TEAD1: variants seen among roughly 807,000 people sequenced by gnomAD.
TEAD1 encodes TEA domain transcription factor 1.
TEAD1 carries 9 observed loss-of-function variants against 54.9 expected under a neutral mutation model. The ratio of observed to expected loss-of-function variants is 0.16; its 90% CI spans 0.10 to 0.29. The LOEUF is 0.29. Ranked by LOEUF, TEAD1 falls within the 10% of genes least tolerant of loss-of-function variation. TEAD1 has a pLI of 1.00. For synonymous variants in TEAD1, 200 were observed against 187.8 expected, an observed-to-expected ratio of 1.07 and a Z score of -0.53; for missense variants, 387 against 535.9, an observed-to-expected ratio of 0.72 and a Z score of 2.74.
chr11:12,683,612 G>A (rs563894208), intron 2 of TEAD1, among the ~76,000 whole-genome samples: 1 of 152,104 alleles, frequency 6.6e-6, no homozygotes, highest in Non-Finnish European at 1.5e-5. Flanking sequence ...TGCCATTTTG[G>A]GGGGTGAGTT....
intron 3 of TEAD1, among the ~76,000 whole-genome samples, chr11:12,769,875 C>G (rs753873528): frequency 6.6e-6 from 1 of 152,038 alleles, no homozygotes; most frequent in Non-Finnish European, 1.5e-5. Context: ...GTAATGTTTG[C>G]TGAATAAATG....
intron 2 of TEAD1, among the ~76,000 whole-genome samples, chr11:12,751,869 C>A (rs564192485): frequency 1.3e-5 from 2 of 152,170 alleles, no homozygotes; most frequent in South Asian, 4.2e-4. Flanking sequence ...TCTGAGCACT[C>A]TCTGAGGGGC....
intron 2 of TEAD1, among the ~76,000 whole-genome samples, chr11:12,691,206 C>T (rs771197734): frequency 2.0e-5 from 3 of 152,186 alleles, no homozygotes; most frequent in African/African-American, 4.8e-5. Context: ...TGCAGTTCCT[C>T]CTCTTACTGA....
At chr11:12,727,532 T>A (rs981838127) in intron 2 of TEAD1, among the ~76,000 whole-genome samples, 1 of 152,176 alleles carries the variant, frequency 6.6e-6, no homozygotes, top group Non-Finnish European at 1.5e-5. Context: ...AAGCATTTTT[T>A]AAAAATATTA....
chr11:12,880,213 C>T (rs1021938884), intron 6 of TEAD1, among the ~76,000 whole-genome samples: 1 of 152,118 alleles, frequency 6.6e-6, no homozygotes, highest in South Asian at 2.1e-4. Flanking sequence ...GGTCTCTGTC[C>T]CTCTGTCTTC....
intron 10 of TEAD1, among the ~76,000 whole-genome samples, chr11:12,922,192 CTTTTTT>C (rs756723520): frequency 1.1e-5 from 1 of 94,516 alleles, no homozygotes; most frequent in Admixed American, 1.2e-4. Context: ...ACATGGTTCT[CTTTTTT>C]TTTTTTTTTT....
At chr11:12,748,940 ATGGCC>A (rs1376335786) in intron 2 of TEAD1, among the ~76,000 whole-genome samples, 18 of 152,166 alleles carry the variant, frequency 1.2e-4, no homozygotes, top group Admixed American at 1.0e-3. Flanking sequence ...ACCTAGGATA[ATGGCC>A]CTCCTTTTGG....
chr11:12,689,035 ATTTG>A (rs369626235), intron 2 of TEAD1, among the ~76,000 whole-genome samples: 161 of 138,042 alleles, frequency 1.2e-3, no homozygotes, highest in African/African-American at 4.0e-3. Context: ...GTTGTTGTTT[ATTTG>A]TTTGTTTTGT....
At position 12,800,454 on chromosome 11, in the gene TEAD1, C is replaced by T. The variant is rs532207315; in HGVS notation, c.202+36020C>T. On this transcript the variant is annotated intron_variant, in intron 3 of 12. Coordinates refer to ENST00000527636, the MANE Select transcript of TEAD1 (RefSeq NM_021961.6). ...AAGGCTTCTGCTCTTGGATAGTTCT[C>T]ATACCAGCTGGGGAGACTGACAGGA... Among the ~76,000 whole-genome samples, 10 of 152,328 alleles carry T rather than the reference C, an allele frequency of 6.6e-5. No individual in the cohort carries two copies. In the East Asian group the frequency reaches 1.9e-3, roughly 29 times the overall value.
chr11:12,710,675 C>T (rs781314956), intron 2 of TEAD1, among the ~76,000 whole-genome samples: 34 of 152,150 alleles, frequency 2.2e-4, no homozygotes, highest in Non-Finnish European at 4.6e-4. Flanking sequence ...GGCACTGGGA[C>T]AGCAGTGAAC....
In TEAD1 at chr11:12,879,134, C is replaced by T. The variant is rs117175436; in HGVS notation, c.331-574C>T. On this transcript the variant is annotated intron_variant, in intron 5 of 12. Coordinates refer to ENST00000527636, the MANE Select transcript of TEAD1 (RefSeq NM_021961.6). ...TGCACCCCGCCAGCATGCTGCTTGGCCCTGTTACCCCCAACCCCCGCTGCT... is the reference window on the plus strand; with the variant it reads ...TGCACCCCGCCAGCATGCTGCTTGGTCCTGTTACCCCCAACCCCCGCTGCT... Among the ~76,000 whole-genome samples, 595 of 152,264 alleles carry T rather than the reference C, an allele frequency of 3.9e-3. 1 individual carries two copies. Among genetic ancestry groups the T allele is most frequent in the Non-Finnish European group, 6.3e-3 (430 of 68,016 alleles).
chr11:12,904,269 T>C (rs35343196), intron 10 of TEAD1, among the ~76,000 whole-genome samples: 62,889 of 151,470 alleles, frequency 0.42, 14,007 homozygotes, highest in East Asian at 0.65. Flanking sequence ...CACATAAGTT[T>C]TATCACATCA....
intron 10 of TEAD1, among the ~76,000 whole-genome samples, chr11:12,922,295 C>T (rs1210270902): frequency 5.5e-5 from 3 of 55,012 alleles, no homozygotes; most frequent in South Asian, 9.2e-4. Flanking sequence ...CTCCCGGGTT[C>T]ACGCCATTCT....
chr11:12,748,701 G>T, intron 2 of TEAD1, among the ~76,000 whole-genome samples: 1 of 152,112 alleles, frequency 6.6e-6, no homozygotes, highest in East Asian at 1.9e-4. Context: ...ATATCATCTC[G>T]TATAACCAGG....
At chr11:12,881,180 G>A (rs1007957297) in intron 7 of TEAD1, 129 bp downstream of exon 7, 5 of 1,042,656 alleles carry the variant, frequency 4.8e-6, no homozygotes, top group African/African-American at 4.7e-5. Flanking sequence ...GTCCCAGAAG[G>A]CATCCCCTTT....
chr11:12,809,548 A>G lies in TEAD1; in HGVS notation c.202+45114A>G, dbSNP rs571065231. Among the ~76,000 whole-genome samples the G allele has an allele frequency of 9.2e-5, 14 of 152,114 alleles. 1 individual carries two copies. The highest frequency in any genetic ancestry group is 1.3e-4 in the Non-Finnish European group (9 of 67,974). ...TGTACACACCCCCAGATCAAAGACC[A>G]TGCTTCTTGGTCTAGCCATAGGAAC... On this transcript the variant is annotated intron_variant, in intron 3 of 12. Transcript: ENST00000527636.
At chr11:12,799,861 C>G (rs1157949605) in intron 3 of TEAD1, among the ~76,000 whole-genome samples, 3 of 152,042 alleles carry the variant, frequency 2.0e-5, no homozygotes, top group African/African-American at 7.3e-5. Context: ...AACTTATATC[C>G]CAAGCCTGTA....
intron 12 of TEAD1, 58 bp from the exon 13 acceptor site, chr11:12,937,051 A>G: frequency 1.7e-6 from 2 of 1,203,772 alleles, no homozygotes; most frequent in East Asian, 2.4e-5. Context: ...GTCGTCATAC[A>G]CAGATGGAAT....
chr11:12,783,482 G>T (rs1476144623), intron 3 of TEAD1, among the ~76,000 whole-genome samples: 2 of 152,168 alleles, frequency 1.3e-5, no homozygotes, highest in African/African-American at 2.4e-5. Flanking sequence ...GCATTTATTT[G>T]TGAACACCTC....
Sources: gnomAD v4.1 joint callset for allele counts (sites outside exome capture counted in the v4.1 genomes callset) on GRCh38, gnomAD v4.1.1 for gene constraint, MANE v1.5 for transcripts, NCBI Gene and HGNC (gene_info 2026-07-23, HGNC 2026-07-21) for gene names.